The following ZSCAN2 variants were observed in gnomAD, a reference collection of about 807,000 sequenced individuals.
The protein encoded by ZSCAN2 is zinc finger and SCAN domain containing 2.
In ZSCAN2, 26 loss-of-function variants were observed where a neutral mutation model predicts 47.8. That is an observed-to-expected ratio of 0.54 (90% confidence interval 0.40 to 0.75). The LOEUF (loss-of-function observed/expected upper bound fraction) is 0.75. Among genes scored for constraint, ZSCAN2 ranks in the 30% least tolerant of loss-of-function variants. The pLI is 0.00. For missense variants in ZSCAN2, 732 were observed against 785.4 expected, an observed-to-expected ratio of 0.93 and a Z score of 0.81; for synonymous variants, 305 against 288.7, an observed-to-expected ratio of 1.06 and a Z score of -0.57.
chr15:84,611,145 A>T (rs1053109373), intron 2 of ZSCAN2, among the ~76,000 whole-genome samples: 7 of 151,876 alleles, frequency 4.6e-5, no homozygotes, highest in African/African-American at 1.7e-4. Context: ...TACAAAAAAA[A>T]TTAGCCGGGC....
At chr15:84,602,830 C>G (rs1227429899) in intron 1 of ZSCAN2, among the ~76,000 whole-genome samples, 2 of 152,032 alleles carry the variant, frequency 1.3e-5, no homozygotes, top group Admixed American at 1.3e-4. Context: ...CTCAAGTGAT[C>G]CGCCTGCCGA....
intron 2 of ZSCAN2, among the ~76,000 whole-genome samples, chr15:84,614,004 T>TC (rs1895626475): frequency 7.6e-6 from 1 of 131,228 alleles, no homozygotes; most frequent in African/African-American, 2.9e-5. Flanking sequence ...TTTTTTTTTT[T>TC]TTCAGAGACA....
Position 84,622,969 on chromosome 15 carries a change from G to GTACA in ZSCAN2, c.*932_*935dup. On this transcript the variant is annotated 3_prime_UTR_variant, in exon 3 of 3. Coordinates refer to ENST00000546148, the MANE Select transcript of ZSCAN2 (RefSeq NM_181877.4). ...TGGGTTTGTGCCTTTGGCCCAACAG[G>GTACA]TACATAGCCCCATAATTTCTGAATT... 1 of 398,528 alleles carries GTACA rather than the reference G, an allele frequency of 2.5e-6. No homozygotes were observed. Among genetic ancestry groups the GTACA allele is most frequent in the Non-Finnish European group, 4.6e-6 (1 of 217,480 alleles). The allele number at this position is 398,528 out of a possible 1,614,324, so 24.7% of individuals were successfully genotyped here.
At chr15:84,601,590 G>A (rs1354302296) in intron 1 of ZSCAN2, among the ~76,000 whole-genome samples, 3 of 151,976 alleles carry the variant, frequency 2.0e-5, no homozygotes, top group Non-Finnish European at 4.4e-5. Context: ...GAGAGCTTCG[G>A]TTTTCCCACT....
intron 2 of ZSCAN2, among the ~76,000 whole-genome samples, chr15:84,619,432 A>T (rs1475516969): frequency 6.6e-6 from 1 of 151,402 alleles, no homozygotes; most frequent in African/African-American, 2.4e-5. Flanking sequence ...TCCGTCTCAA[A>T]AAAAAAAAAA....
Position 84,622,177 on chromosome 15 carries a change from C to T in ZSCAN2, c.*137C>T, listed in dbSNP as rs1238213354. On this transcript the variant is annotated 3_prime_UTR_variant, in exon 3 of 3. Coordinates refer to ENST00000546148, the MANE Select transcript of ZSCAN2 (RefSeq NM_181877.4). ...CCAGAGTCTTCCCCTTGCTCATCCT[C>T]ATTTCCAGGACACTGTCATTTTAGT... The T allele has an allele frequency of 1.3e-6, 1 of 768,766 alleles. No homozygotes were observed. The highest frequency in any genetic ancestry group is 2.5e-5 in the East Asian group (1 of 39,912). 47.6% of individuals were successfully genotyped at this position (768,766 alleles called of 1,614,324 possible). A position where few individuals can be genotyped will look rare whatever the true frequency, so the allele number is the denominator to read the frequency against.
chr15:84,612,839 C>G, intron 2 of ZSCAN2, among the ~76,000 whole-genome samples: 1 of 152,076 alleles, frequency 6.6e-6, no homozygotes, highest in Admixed American at 6.6e-5. Flanking sequence ...TATGTAATAC[C>G]TGGGAGTTCA....
rs1256555995 is a variant in ZSCAN2 at position 84,623,560 on chromosome 15, G to A, written c.*1520G>A. On this transcript the variant is annotated 3_prime_UTR_variant, in exon 3 of 3. Coordinates refer to ENST00000546148, the MANE Select transcript of ZSCAN2 (RefSeq NM_181877.4). The stretch of plus-strand genomic sequence containing the variant: ...CCTGGAGAGTGAAGACGGGCATGAC[G>A]GCAGGTGAAGGGGTTTGCTGTGAAG... The A allele has an allele frequency of 6.0e-6, 1 of 167,474 alleles. No individual in the cohort carries two copies. The highest frequency in any genetic ancestry group is 2.4e-5 in the African/African-American group (1 of 41,410). 10.4% of individuals were successfully genotyped at this position (167,474 alleles called of 1,614,324 possible). A position where few individuals can be genotyped will look rare whatever the true frequency, so the allele number is the denominator to read the frequency against.
At position 84,622,529 on chromosome 15, in the gene ZSCAN2, C is replaced by A; in HGVS notation, c.*489C>A. On this transcript the variant is annotated 3_prime_UTR_variant, in exon 3 of 3. Transcript: ENST00000546148. ...AGTGTTCCAGGGCACCCCAAGCTGT[C>A]AGTTAGAATCTGCTCTTCTGGCTTT... is the stretch of plus-strand genomic sequence containing the variant. The A allele has an allele frequency of 1.4e-6, 1 of 690,650 alleles. No individual in the cohort carries two copies. The highest frequency in any genetic ancestry group is 1.6e-5 in the South Asian group (1 of 63,160). The allele number at this position is 690,650 out of a possible 1,614,324, so 42.8% of individuals were successfully genotyped here.
chr15:84,613,319 ATGTTTT>A (rs1251781032), intron 2 of ZSCAN2, among the ~76,000 whole-genome samples: 1 of 151,908 alleles, frequency 6.6e-6, no homozygotes, highest in African/African-American at 2.4e-5. Flanking sequence ...AGATTTCATA[ATGTTTT>A]TGTTTTTGTT....
chr15:84,621,684 A>G lies in ZSCAN2; in HGVS notation c.1489A>G (p.Thr497Ala), dbSNP rs1895820135. ...CCTCCTCAAGCACCAGAGGATCCAC[A>G]CGGGAGAGAAACCCTACAAATGCAG... Reference protein sequence around the residue: ...SNLLKHQRIHTGEKPYKCSEC... With the variant: ...SNLLKHQRIHAGEKPYKCSEC... The change falls in exon 3 of 3, where the codon ACG (threonine) becomes GCG (alanine). Residue 497 changes from threonine to alanine, a missense_variant. Physicochemically the swap from Thr to Ala is moderately conservative, Grantham distance 58. Coordinates refer to ENST00000546148, the MANE Select transcript of ZSCAN2 (RefSeq NM_181877.4). The surrounding 1 kb of genome is among the most constrained non-coding windows in gnomAD (Gnocchi z 5.7). 1 of 1,614,024 alleles carries G rather than the reference A, an allele frequency of 6.2e-7. No homozygotes were observed. The highest frequency in any genetic ancestry group is 8.5e-7 in the Non-Finnish European group (1 of 1,180,032).
intron 2 of ZSCAN2, chr15:84,606,723 C>T: frequency 1.3e-5 from 19 of 1,424,612 alleles, no homozygotes; most frequent in Non-Finnish European, 1.7e-5. Flanking sequence ...CCTTCCCATC[C>T]ACCTTGCAGC....
In ZSCAN2 at chr15:84,622,905, T is replaced by C. The variant is rs1596039562; in HGVS notation, c.*865T>C. Reference sequence around the variant, plus strand: ...CCAACCCATGGTGGATGGTAACTTCTGTCTCATCAAGAGTAAAACAGTCCT... The same window carrying C: ...CCAACCCATGGTGGATGGTAACTTCCGTCTCATCAAGAGTAAAACAGTCCT... On this transcript the variant is annotated 3_prime_UTR_variant, in exon 3 of 3. Transcript: ENST00000546148. The C allele has an allele frequency of 1.4e-5, 8 of 573,146 alleles. No homozygotes were observed. The East Asian group carries it at 2.4e-4, about 17-fold the overall frequency. 35.5% of individuals were successfully genotyped at this position (573,146 alleles called of 1,614,324 possible).
At position 84,622,130 on chromosome 15, in the gene ZSCAN2, C is replaced by G. The variant is rs1895831734; in HGVS notation, c.*90C>G. ...ATTCCCTTTCAAAGAGCTGTGCTTC[C>G]TAAACATTCTGGGGGGTTTTGCCAG... is the stretch of plus-strand genomic sequence containing the variant. On this transcript the variant is annotated 3_prime_UTR_variant, in exon 3 of 3. Coordinates refer to ENST00000546148, the MANE Select transcript of ZSCAN2 (RefSeq NM_181877.4). 2 of 1,195,770 alleles carry G rather than the reference C, an allele frequency of 1.7e-6. No homozygotes were observed. The highest frequency in any genetic ancestry group is 3.1e-5 in the African/African-American group (2 of 65,448). 74.1% of individuals were successfully genotyped at this position (1,195,770 alleles called of 1,614,324 possible).
rs1179176304 is a variant in ZSCAN2, at chr15:84,620,686, C to T, written c.491C>T (p.Pro164Leu). Residue 164 changes from proline to leucine, a missense_variant, in exon 3 of 3, where the codon CCT (proline) becomes CTT (leucine). By Grantham distance (98) the Pro-to-Leu change is moderately conservative (BLOSUM62 -3). Coordinates refer to ENST00000546148, the MANE Select transcript of ZSCAN2 (RefSeq NM_181877.4). ...NESRKIFSEM[P>L]EGESAQHSDG... Reference sequence around the variant, plus strand: ...TCACGTAAGATATTCTCGGAAATGCCTGAAGGTGAAAGTGCTCAGCACTCC... The same window carrying T: ...TCACGTAAGATATTCTCGGAAATGCTTGAAGGTGAAAGTGCTCAGCACTCC... The T allele has an allele frequency of 3.1e-6, 5 of 1,614,054 alleles. No individual in the cohort carries two copies. The Admixed American group carries it at 6.7e-5, about 22-fold the overall frequency.
At chr15:84,617,140 A>C (rs561911686) in intron 2 of ZSCAN2, among the ~76,000 whole-genome samples, 2 of 147,486 alleles carry the variant, frequency 1.4e-5, no homozygotes, top group South Asian at 2.2e-4. Context: ...AAAAAAAAAA[A>C]AACTGTCTTC....
At chr15:84,612,398 T>G (rs1895574470) in intron 2 of ZSCAN2, among the ~76,000 whole-genome samples, 1 of 152,278 alleles carries the variant, frequency 6.6e-6, no homozygotes, top group East Asian at 1.9e-4. Context: ...AGGGACCTCC[T>G]TAGTGAGGTT....
In ZSCAN2 at chr15:84,603,804, C is replaced by CTTTTTT; in HGVS notation, c.-108-15_-108-10dup. The CTTTTTT allele has an allele frequency of 8.3e-7, 1 of 1,209,182 alleles. No individual in the cohort carries two copies. Among genetic ancestry groups the CTTTTTT allele is most frequent in the Admixed American group, 2.5e-5 (1 of 39,484 alleles). The allele number at this position is 1,209,182 out of a possible 1,614,324, so 74.9% of individuals were successfully genotyped here. On this transcript the variant is annotated splice_polypyrimidine_tract_variant and intron_variant, in intron 1 of 2. Coordinates refer to ENST00000546148, the MANE Select transcript of ZSCAN2 (RefSeq NM_181877.4). ...CAGTCTACCTATGGATTATGGTTCT[C>CTTTTTT]TTTTTTGTTTCTCAGCGGGACTACT...
chr15:84,607,329 A>C (rs1895413509), intron 2 of ZSCAN2, among the ~76,000 whole-genome samples: 1 of 151,892 alleles, frequency 6.6e-6, no homozygotes, highest in African/African-American at 2.4e-5. Context: ...AAAAACCTTC[A>C]TGAGCTTCCC....
Sources: gnomAD v4.1 joint callset for allele counts (sites outside exome capture counted in the v4.1 genomes callset) on GRCh38, gnomAD v4.1.1 for gene constraint, Gnocchi (gnomAD v3.1) non-coding constraint, MANE v1.5 for transcripts, NCBI Gene and HGNC (gene_info 2026-07-23, HGNC 2026-07-21) for gene names.